FNDC7: variants seen among roughly 807,000 people sequenced by gnomAD.
The protein encoded by FNDC7 is fibronectin type III domain containing 7, also known as fibronectin type III domain-containing protein 7.
A neutral mutation model predicts 74.2 loss-of-function variants in FNDC7; 66 were observed. The observed-to-expected ratio is 0.89, with a 90% CI of 0.73 to 1.09. FNDC7 has a LOEUF of 1.09. Ranked by LOEUF, FNDC7 falls within the 50% of genes least tolerant of loss-of-function variation. The pLI is 0.00. For synonymous variants in FNDC7, 307 were observed against 330.2 expected (o/e 0.93, Z 0.76); for missense variants, 829 against 893.4 (o/e 0.93, Z 0.92).
intron 8 of FNDC7, among the ~76,000 whole-genome samples, 172 bp downstream of exon 8, chr1:108,729,058 T>C (rs1329280151): frequency 6.6e-6 from 1 of 152,232 alleles, no homozygotes; most frequent in Non-Finnish European, 1.5e-5. Flanking sequence ...ATTTTACAAG[T>C]TCTGTAAAAA....
chr1:108,737,707 A>T (rs1162147423), intron 11 of FNDC7, among the ~76,000 whole-genome samples, 183 bp downstream of exon 11: 3 of 152,200 alleles, frequency 2.0e-5, no homozygotes, highest in East Asian at 3.8e-4. Context: ...AGATTCCACC[A>T]GTTGAGATGA....
chr1:108,736,410 C>T (rs1389403743), intron 10 of FNDC7, among the ~76,000 whole-genome samples: 2 of 152,144 alleles, frequency 1.3e-5, no homozygotes, highest in African/African-American at 2.4e-5. Context: ...ATCTGTACTG[C>T]AACATATTAC....
intron 8 of FNDC7, among the ~76,000 whole-genome samples, chr1:108,729,852 G>A (rs1661303842): frequency 6.6e-6 from 1 of 152,144 alleles, no homozygotes; most frequent in Non-Finnish European, 1.5e-5. Context: ...GTAAGATAGA[G>A]ACCATACAAA....
At chr1:108,728,275 A>T (rs531563612) in intron 7 of FNDC7, among the ~76,000 whole-genome samples, 1 of 152,342 alleles carries the variant, frequency 6.6e-6, no homozygotes, top group South Asian at 2.1e-4. Flanking sequence ...AGGGGAGACC[A>T]CGGGGAGAGT....
intron 2 of FNDC7, among the ~76,000 whole-genome samples, chr1:108,715,582 A>G (rs1345468594): frequency 6.6e-6 from 1 of 152,156 alleles, no homozygotes; most frequent in African/African-American, 2.4e-5. Flanking sequence ...GGACCCCTCC[A>G]TGGCAGCGCC....
chr1:108,716,321 GTGTGTGTGTGTGTGTGT>G (rs1660973731), intron 2 of FNDC7, among the ~76,000 whole-genome samples: 22 of 92,836 alleles, frequency 2.4e-4, no homozygotes, highest in South Asian at 6.2e-4. Flanking sequence ...CAGAAGAGAG[GTGTGTGTGTGTGTGTGT>G]GTGTGTGTGT....
intron 4 of FNDC7, among the ~76,000 whole-genome samples, chr1:108,720,956 A>G (rs1445607536): frequency 1.3e-5 from 2 of 152,046 alleles, no homozygotes; most frequent in Non-Finnish European, 2.9e-5. Context: ...TACTCTACCT[A>G]TTTTTCCTAG....
At position 108,718,778 on chromosome 1, in the gene FNDC7, TA is replaced by T. The variant is rs1201030712; in HGVS notation, c.338-10del. The T allele has an allele frequency of 2.6e-6, 4 of 1,549,178 alleles. No individual in the cohort carries two copies. In the African/African-American group the frequency reaches 4.1e-5, roughly 16 times the overall value. On this transcript the variant is annotated splice_polypyrimidine_tract_variant and intron_variant, in intron 3 of 12. Transcript: ENST00000370017. ...TTGGTAACACAAATGCATGTGTTTT[TA>T]TTTTTTTAGTGTTGGCTGCACCAAT...
intron 2 of FNDC7, 35 bp downstream of exon 2, chr1:108,713,564 G>A (rs750271945): frequency 1.5e-5 from 23 of 1,524,662 alleles, no homozygotes; most frequent in Admixed American, 1.1e-4. Flanking sequence ...TTTCCTTCTC[G>A]TATTTGATTT....
Position 108,724,438 on chromosome 1 carries a change from G to C in FNDC7, c.857-1312G>C, listed in dbSNP as rs532903952. Among the ~76,000 whole-genome samples the C allele has an allele frequency of 2.6e-5, 4 of 152,104 alleles. No homozygotes were observed. In the South Asian group the frequency reaches 8.3e-4, roughly 32 times the overall value. ...GCATAAGAATGTATTCTGTCATTCA[G>C]TGCATGAGAGGCTGCAGTTAGAAAA... On this transcript the variant is annotated intron_variant, in intron 5 of 12. Transcript: ENST00000370017.
intron 8 of FNDC7, among the ~76,000 whole-genome samples, chr1:108,729,178 C>A (rs529006074): frequency 3.7e-4 from 56 of 152,294 alleles, no homozygotes; most frequent in African/African-American, 1.2e-3. Context: ...TCTATCGAAA[C>A]AGCTAACAAA....
At chr1:108,718,450 G>C (rs991043154) in intron 3 of FNDC7, among the ~76,000 whole-genome samples, 3 of 152,130 alleles carry the variant, frequency 2.0e-5, no homozygotes, top group African/African-American at 4.8e-5. Context: ...TTGTACCTAG[G>C]CATATTTCTG....
chr1:108,736,637 C>CAGAA (rs1371467968), intron 10 of FNDC7, among the ~76,000 whole-genome samples: 1 of 152,172 alleles, frequency 6.6e-6, no homozygotes, highest in East Asian at 1.9e-4. Context: ...GGTTAGCCAC[C>CAGAA]AGAAGTCCTT....
At chr1:108,713,616 G>T in intron 2 of FNDC7, 87 bp downstream of exon 2, 1 of 1,196,760 alleles carries the variant, frequency 8.4e-7, no homozygotes, top group Non-Finnish European at 1.2e-6. Flanking sequence ...GAAATCTAAA[G>T]GCTATATGAG....
chr1:108,733,645 C>CTTTA, intron 10 of FNDC7, 113 bp downstream of exon 10: 2 of 728,940 alleles, frequency 2.7e-6, no homozygotes, highest in African/African-American at 4.4e-5. Flanking sequence ...TATAAAATTT[C>CTTTA]TTTCTTTTTT....
chr1:108,741,623 G>GT, intron 11 of FNDC7, 150 bp from the exon 12 acceptor site: 2 of 792,164 alleles, frequency 2.5e-6, no homozygotes, highest in Non-Finnish European at 4.2e-6. Flanking sequence ...TTTGTCAGTT[G>GT]TCATAGTTTC....
rs577251835 is a variant in FNDC7 at position 108,734,586 on chromosome 1, A to G, written c.2140+1054A>G. 3 of 152,336 alleles carry G rather than the reference A, an allele frequency of 2.0e-5. No homozygotes were observed. In the East Asian group the frequency reaches 5.8e-4, roughly 29 times the overall value. The allele number at this position is 152,336 out of a possible 1,614,324, so 9.4% of individuals were successfully genotyped here. On this transcript the variant is annotated intron_variant, in intron 10 of 12. Coordinates refer to ENST00000370017, the MANE Select transcript of FNDC7 (RefSeq NM_001144937.3). ...AAATTTTGAATGATATGTAGGTGAC[A>G]GGAGGTTCAGGATGGCCCTTGGTGA...
Position 108,724,725 on chromosome 1 carries a change from G to T in FNDC7, c.857-1025G>T, listed in dbSNP as rs186276199. 2.8e-3 allele frequency among the ~76,000 whole-genome samples: 419 copies of T among 151,642 alleles called. 1 individual carries two copies. Among genetic ancestry groups the T allele is most frequent in the African/African-American group, 9.8e-3 (406 of 41,266 alleles). On this transcript the variant is annotated intron_variant, in intron 5 of 12. Coordinates refer to ENST00000370017, the MANE Select transcript of FNDC7 (RefSeq NM_001144937.3). Reference sequence around the variant, plus strand: ...GCTGAGATCGCACCACTGCACTCCAGCCTGGGTGACAGAGCGAGACCTTGT... The same window carrying T: ...GCTGAGATCGCACCACTGCACTCCATCCTGGGTGACAGAGCGAGACCTTGT...
In FNDC7 at chr1:108,739,635, T is replaced by A. The variant is rs183743043; in HGVS notation, c.2170+2111T>A. Reference sequence around the variant, plus strand: ...GGTACTGCTCTTAAACTCTGCTGTGTATTAGAATCTCCTGGACAGTTAATA... The same window carrying A: ...GGTACTGCTCTTAAACTCTGCTGTGAATTAGAATCTCCTGGACAGTTAATA... On this transcript the variant is annotated intron_variant, in intron 11 of 12. Transcript: ENST00000370017. Among the ~76,000 whole-genome samples, 11 of 152,318 alleles carry A rather than the reference T, an allele frequency of 7.2e-5. No individual in the cohort carries two copies. In the East Asian group the frequency reaches 2.1e-3, roughly 29 times the overall value.
Sources: allele counts gnomAD v4.1 joint callset (sites outside exome capture counted in the v4.1 genomes callset), GRCh38; gene constraint gnomAD v4.1.1; transcripts MANE v1.5; gene names NCBI Gene and HGNC (gene_info 2026-07-23, HGNC 2026-07-21).